NTRK3: variants seen among roughly 807,000 people sequenced by gnomAD.
The protein encoded by NTRK3 is neurotrophic receptor tyrosine kinase 3.
A neutral mutation model predicts 91.7 loss-of-function variants in NTRK3; 24 were observed. The observed-to-expected ratio is 0.26, with a 90% CI of 0.19 to 0.37. NTRK3 has a LOEUF of 0.37. Among genes scored for constraint, NTRK3 ranks in the 10% least tolerant of loss-of-function variants. The pLI is 1.00. For missense variants in NTRK3, 880 were observed against 1,068.9 expected (o/e 0.82, Z 2.46); for synonymous variants, 483 against 404.0 (o/e 1.20, Z -2.34).
At chr15:87,869,583 TTA>T (rs2064771912) in exon 19 of NTRK3, 1 of 212,886 alleles carries the variant, frequency 4.7e-6, no homozygotes, top group South Asian at 1.9e-4. Context: ...TCACCTTGTA[TTA>T]AGACTTTCGT....
chr15:88,065,891 C>T (rs1441794270), intron 13 of NTRK3, among the ~76,000 whole-genome samples: 1 of 152,122 alleles, frequency 6.6e-6, no homozygotes, highest in Non-Finnish European at 1.5e-5. Context: ...ATCACATCAT[C>T]ATAAGCCTTG....
intron 14 of NTRK3, among the ~76,000 whole-genome samples, chr15:88,026,001 G>C (rs1187059243): frequency 6.6e-6 from 1 of 152,184 alleles, no homozygotes; most frequent in African/African-American, 2.4e-5. Flanking sequence ...GCCAGGCACG[G>C]TGGCTCACGC....
chr15:88,066,997 A>T (rs2046706136), intron 13 of NTRK3, among the ~76,000 whole-genome samples: 1 of 152,124 alleles, frequency 6.6e-6, no homozygotes, highest in Non-Finnish European at 1.5e-5. Context: ...CAACCTTGCC[A>T]CATTCTCCCA....
intron 15 of NTRK3, among the ~76,000 whole-genome samples, chr15:87,938,376 G>C (rs1213116586): frequency 6.6e-6 from 1 of 152,132 alleles, no homozygotes; most frequent in East Asian, 1.9e-4. Context: ...AAAAGGAAGG[G>C]TCTTGCAAAA....
intron 14 of NTRK3, among the ~76,000 whole-genome samples, chr15:87,955,379 A>G (rs963016263): frequency 6.6e-6 from 1 of 152,212 alleles, no homozygotes; most frequent in Non-Finnish European, 1.5e-5. Flanking sequence ...GCCTTTGCTC[A>G]GCTTACAGAG....
chr15:88,176,132 C>CTT (rs1567586337), intron 5 of NTRK3, among the ~76,000 whole-genome samples: 1 of 136,272 alleles, frequency 7.3e-6, no homozygotes, highest in African/African-American at 3.1e-5. Context: ...CCTATATGCC[C>CTT]CTTCTTTTTT....
chr15:88,114,018 C>A (rs1045112530), intron 13 of NTRK3, among the ~76,000 whole-genome samples: 4 of 152,102 alleles, frequency 2.6e-5, no homozygotes, highest in African/African-American at 7.2e-5. Context: ...CCCCCCACCA[C>A]CAACAACAAC....
At chr15:87,899,143 G>T (rs1214294862) in intron 17 of NTRK3, among the ~76,000 whole-genome samples, 2 of 152,162 alleles carry the variant, frequency 1.3e-5, no homozygotes, top group Admixed American at 1.3e-4. Context: ...TTTGCAAGAG[G>T]TATTCTCTGG....
chr15:88,228,526 C>T (rs1280125225), intron 3 of NTRK3, among the ~76,000 whole-genome samples: 1 of 152,216 alleles, frequency 6.6e-6, no homozygotes, highest in African/African-American at 2.4e-5. Context: ...CCTTCCAACT[C>T]CCTTCCTCTT....
rs1490941932 is a variant in NTRK3 at position 87,940,525 on chromosome 15, A to G, written c.1716+98T>C. On this transcript the variant is annotated intron_variant, in intron 15 of 18. Coordinates refer to ENST00000394480, the Ensembl canonical transcript of NTRK3. ...CCTTTGATTGCATCTGAGAAAGCCA[A>G]TTGAGCACTATCTTCTCAAATGGAG... is the stretch of plus-strand genomic sequence containing the variant. The G allele has an allele frequency of 8.9e-6, 14 of 1,572,270 alleles. No individual in the cohort carries two copies. The African/African-American group carries it at 1.2e-4, about 14-fold the overall frequency.
exon 19 of NTRK3, chr15:87,876,489 C>T: frequency 4.4e-6 from 1 of 226,328 alleles, no homozygotes; most frequent in East Asian, 6.4e-5. Context: ...CCAGAGCTCT[C>T]ATCCCAAAGA....
chr15:87,965,894 G>A (rs1254098358), intron 14 of NTRK3, among the ~76,000 whole-genome samples: 2 of 151,864 alleles, frequency 1.3e-5, no homozygotes, highest in African/African-American at 2.4e-5. Context: ...CCTGGCCAAC[G>A]TGGTGAAACC....
intron 13 of NTRK3, among the ~76,000 whole-genome samples, chr15:88,089,643 A>G (rs1451647896): frequency 6.6e-6 from 1 of 152,172 alleles, no homozygotes; most frequent in African/African-American, 2.4e-5. Flanking sequence ...TTCCAGAAAG[A>G]TGCTCCCCTT....
intron 13 of NTRK3, among the ~76,000 whole-genome samples, chr15:88,069,079 G>A (rs2046894876): frequency 6.6e-6 from 1 of 152,156 alleles, no homozygotes; most frequent in South Asian, 2.1e-4. Flanking sequence ...ATCATGGGGA[G>A]ATGAAGACTG....
exon 19 of NTRK3, chr15:87,873,086 G>A (rs2141416858): frequency 4.3e-6 from 1 of 232,874 alleles, no homozygotes; most frequent in East Asian, 6.1e-5. Flanking sequence ...GAAGCTGGCT[G>A]ACAGCTCTCC....
chr15:88,251,641 AC>A (rs2053388224), intron 3 of NTRK3, among the ~76,000 whole-genome samples: 2 of 152,354 alleles, frequency 1.3e-5, no homozygotes, highest in South Asian at 4.1e-4. Context: ...GCCTCAGGCT[AC>A]CCACACCCAC....
At chr15:87,996,562 A>C (rs1445695188) in intron 14 of NTRK3, among the ~76,000 whole-genome samples, 2 of 152,238 alleles carry the variant, frequency 1.3e-5, no homozygotes, top group African/African-American at 2.4e-5. Flanking sequence ...TTAGCAACAC[A>C]GGAGAGCAAC....
chr15:88,061,376 C>A (rs1390000978), intron 13 of NTRK3, among the ~76,000 whole-genome samples: 1 of 152,248 alleles, frequency 6.6e-6, no homozygotes, highest in Non-Finnish European at 1.5e-5. Flanking sequence ...AATGAATTGT[C>A]TACTTGACCC....
intron 13 of NTRK3, among the ~76,000 whole-genome samples, chr15:88,110,402 C>T (rs2051209904): frequency 6.6e-6 from 1 of 152,128 alleles, no homozygotes. Flanking sequence ...AATATCCCTG[C>T]CTCCATCTTA....
Sources: allele counts gnomAD v4.1 joint callset (sites outside exome capture counted in the v4.1 genomes callset), GRCh38; gene constraint gnomAD v4.1.1; transcripts MANE v1.5; gene names NCBI Gene and HGNC (gene_info 2026-07-23, HGNC 2026-07-21).